IDE: variants seen among roughly 807,000 people sequenced by gnomAD.
The protein encoded by IDE is insulin degrading enzyme.
In IDE, 58 loss-of-function variants were observed where a neutral mutation model predicts 133.2. The observed-to-expected ratio is 0.44, with a 90% confidence interval of 0.35 to 0.54. The LOEUF is 0.54. Among genes scored for constraint, IDE ranks in the 20% least tolerant of loss-of-function variants. The pLI is 0.00. For missense variants in IDE, 981 were observed against 1,234.0 expected (o/e 0.79, Z 3.07); for synonymous variants, 396 against 421.3 (o/e 0.94, Z 0.73).
At chr10:92,486,356 A>C (rs1055981945) in intron 13 of IDE, among the ~76,000 whole-genome samples, 55 of 152,276 alleles carry the variant, frequency 3.6e-4, no homozygotes, top group African/African-American at 1.3e-3. Context: ...GTCTCAAAAA[A>C]AGAAAAGAAA....
chr10:92,506,117 G>C (rs1362198297), intron 10 of IDE, among the ~76,000 whole-genome samples: 1 of 152,134 alleles, frequency 6.6e-6, no homozygotes, highest in Non-Finnish European at 1.5e-5. Flanking sequence ...GCTCAGACTA[G>C]GATGGTAGCA....
At chr10:92,522,419 T>C (rs1849276084) in intron 4 of IDE, among the ~76,000 whole-genome samples, 1 of 152,202 alleles carries the variant, frequency 6.6e-6, no homozygotes, top group Non-Finnish European at 1.5e-5. Context: ...ACTGACTTGA[T>C]AATTGAATTC....
chr10:92,456,478 C>T, intron 22 of IDE, 47 bp from the exon 23 acceptor site: 1 of 1,261,158 alleles, frequency 7.9e-7, no homozygotes, highest in Non-Finnish European at 1.2e-6. Flanking sequence ...CACTAAAGAA[C>T]TTACAATGAG....
intron 11 of IDE, among the ~76,000 whole-genome samples, chr10:92,491,995 T>A (rs895375235): frequency 6.6e-6 from 1 of 152,026 alleles, no homozygotes; most frequent in South Asian, 2.1e-4. Context: ...GCATGGTGAC[T>A]CATGCCTGTA....
chr10:92,547,854 T>C (rs1382638892), intron 1 of IDE, among the ~76,000 whole-genome samples: 3 of 152,146 alleles, frequency 2.0e-5, no homozygotes, highest in Admixed American at 6.6e-5. Flanking sequence ...CCAGATGACC[T>C]CTCTGCTCCT....
intron 1 of IDE, among the ~76,000 whole-genome samples, chr10:92,565,017 G>A (rs1843464656): frequency 6.6e-6 from 1 of 151,748 alleles, no homozygotes; most frequent in Admixed American, 6.6e-5. Flanking sequence ...AGGCTGAGGT[G>A]GGTTGATCAC....
At position 92,504,096 on chromosome 10, in the gene IDE, TACTC is replaced by T. The variant is rs1435305370; in HGVS notation, c.1430+694_1430+697del. ...CATAAAACAACTGTTCCAAAAAACT[TACTC>T]AATAACCAAATTGCCAGTAGAATTT... On this transcript the variant is annotated intron_variant, in intron 11 of 24. Coordinates refer to ENST00000265986, the MANE Select transcript of IDE (RefSeq NM_004969.4). 3.9e-5 allele frequency among the ~76,000 whole-genome samples: 6 copies of T among 152,212 alleles called. No homozygotes were observed. The South Asian group carries it at 1.0e-3, about 26-fold the overall frequency.
intron 4 of IDE, among the ~76,000 whole-genome samples, chr10:92,529,833 G>T (rs893933097): frequency 2.6e-5 from 4 of 152,186 alleles, no homozygotes; most frequent in Admixed American, 2.0e-4. Context: ...TGTCACCAGT[G>T]AAGCTATTTA....
chr10:92,572,565 C>T (rs1028490939), intron 1 of IDE, among the ~76,000 whole-genome samples: 1 of 152,208 alleles, frequency 6.6e-6, no homozygotes, highest in African/African-American at 2.4e-5. Flanking sequence ...TTCCTAAACC[C>T]CCAGTTCCAT....
intron 13 of IDE, among the ~76,000 whole-genome samples, chr10:92,484,785 T>C (rs895306810): frequency 1.3e-5 from 2 of 150,790 alleles, no homozygotes; most frequent in African/African-American, 4.9e-5. Flanking sequence ...AAACCAGGCA[T>C]GATGGTTCAT....
At chr10:92,486,321 G>T (rs1466870883) in intron 13 of IDE, among the ~76,000 whole-genome samples, 2 of 152,108 alleles carry the variant, frequency 1.3e-5, no homozygotes, top group Non-Finnish European at 2.9e-5. Context: ...TTATACTCCA[G>T]CCTGGGCAAC....
At chr10:92,465,499 T>C (rs919452156) in intron 20 of IDE, among the ~76,000 whole-genome samples, 177 bp downstream of exon 20, 2 of 152,228 alleles carry the variant, frequency 1.3e-5, no homozygotes, top group Non-Finnish European at 2.9e-5. Context: ...TTAATGTCCA[T>C]AAGATAGTGA....
intron 2 of IDE, among the ~76,000 whole-genome samples, chr10:92,535,802 G>A (rs1366144421): frequency 2.0e-5 from 3 of 152,190 alleles, no homozygotes; most frequent in South Asian, 2.1e-4. Context: ...TTGGGAGGAC[G>A]AGGTGGGTAG....
intron 17 of IDE, among the ~76,000 whole-genome samples, chr10:92,471,542 G>A (rs1366382179): frequency 2.0e-5 from 3 of 152,056 alleles, no homozygotes; most frequent in Non-Finnish European, 4.4e-5. Context: ...CTATTCCACT[G>A]TACTGCCTTA....
chr10:92,549,638 GA>G (rs1258639904), intron 1 of IDE, among the ~76,000 whole-genome samples: 4 of 151,858 alleles, frequency 2.6e-5, no homozygotes, highest in Admixed American at 2.6e-4. Flanking sequence ...CAGTATGTCA[GA>G]ACAGATGCTT....
intron 11 of IDE, among the ~76,000 whole-genome samples, chr10:92,500,229 G>A (rs1847932295): frequency 1.3e-5 from 2 of 151,934 alleles, no homozygotes; most frequent in South Asian, 4.2e-4. Context: ...CTCGGGAGAT[G>A]GAGGTTTCAG....
rs552673793 is a variant in IDE, at chr10:92,473,028, C to T, written c.2116+1813G>A. Among the ~76,000 whole-genome samples, 125 of 150,416 alleles carry T rather than the reference C, an allele frequency of 8.3e-4. 1 individual carries two copies. The highest frequency in any genetic ancestry group is 2.9e-3 in the African/African-American group (119 of 40,840). ...CATTATCTCGGCTCACTGTAAGCTC[C>T]GCCTCCCAGGTTCACGACATTCTCC... On this transcript the variant is annotated intron_variant, in intron 17 of 24. Coordinates refer to ENST00000265986, the MANE Select transcript of IDE (RefSeq NM_004969.4).
At chr10:92,523,293 A>G (rs1849328899) in intron 4 of IDE, among the ~76,000 whole-genome samples, 1 of 152,102 alleles carries the variant, frequency 6.6e-6, no homozygotes, top group South Asian at 2.1e-4. Flanking sequence ...AGGCAGGAGA[A>G]TCGTTTGAAC....
intron 21 of IDE, among the ~76,000 whole-genome samples, chr10:92,461,831 A>AT (rs914022278): frequency 1.5e-4 from 22 of 149,474 alleles, no homozygotes; most frequent in Admixed American, 1.0e-3. Flanking sequence ...TGCCCAGCTA[A>AT]TTTTTTTTTT....
Sources: gnomAD v4.1 joint callset for allele counts (sites outside exome capture counted in the v4.1 genomes callset) on GRCh38, gnomAD v4.1.1 for gene constraint, MANE v1.5 for transcripts, NCBI Gene and HGNC (gene_info 2026-07-23, HGNC 2026-07-21) for gene names.